The following BMAL1 variants were observed in gnomAD, a reference collection of about 807,000 sequenced individuals.
The protein encoded by BMAL1 is basic helix-loop-helix ARNT like 1, also known as basic helix-loop-helix ARNT-like protein 1.
At chr11:13,366,750 C>T in the BMAL1 span, 2 of 1,614,054 alleles carry the variant, frequency 1.2e-6, no homozygotes, top group South Asian at 1.1e-5. Context: ...TCCTCTGACA[C>T]CGCACCCCGG....
At chr11:13,299,483 G>C in the BMAL1 span, among the ~76,000 whole-genome samples, 1 of 152,260 alleles carries the variant, frequency 6.6e-6, no homozygotes, top group Admixed American at 6.5e-5. Context: ...TGGTTAGGTA[G>C]GTGCCTTGGG....
the BMAL1 span, among the ~76,000 whole-genome samples, chr11:13,333,843 A>G: frequency 8.5e-5 from 13 of 152,346 alleles, no homozygotes; most frequent in African/African-American, 3.1e-4. Flanking sequence ...GTCGGTAGGC[A>G]TGGCACAATT....
chr11:13,382,498 C>T, the BMAL1 span, among the ~76,000 whole-genome samples: 2 of 152,210 alleles, frequency 1.3e-5, no homozygotes, highest in African/African-American at 2.4e-5. Context: ...CTTGGTGTCC[C>T]GTGACCCCCG....
At chr11:13,312,894 G>A in the BMAL1 span, among the ~76,000 whole-genome samples, 29 of 152,176 alleles carry the variant, frequency 1.9e-4, no homozygotes, top group Admixed American at 6.5e-5. Context: ...CTCTGCTGTC[G>A]TGAAGCAGAC....
At chr11:13,281,045 G>C in the BMAL1 span, among the ~76,000 whole-genome samples, 10 of 152,212 alleles carry the variant, frequency 6.6e-5, no homozygotes, top group African/African-American at 2.4e-4. Context: ...GCCTCGTGGA[G>C]TCTGTGTGAG....
At chr11:13,354,692 A>C in the BMAL1 span, 2 of 477,308 alleles carry the variant, frequency 4.2e-6, no homozygotes, top group African/African-American at 3.9e-5. Context: ...CTACACCCAG[A>C]GAAAAAGAAC....
At chr11:13,364,813 G>A in the BMAL1 span, among the ~76,000 whole-genome samples, 1 of 149,352 alleles carries the variant, frequency 6.7e-6, no homozygotes, top group Non-Finnish European at 1.5e-5. Context: ...AAGAATCTAA[G>A]CGGGGAGTTT....
chr11:13,355,236 G>A, the BMAL1 span: 38 of 1,613,422 alleles, frequency 2.4e-5, no homozygotes, highest in Non-Finnish European at 3.1e-5. Context: ...TTCACAGGTC[G>A]AATTTGGGGA....
the BMAL1 span, chr11:13,386,805 G>T: frequency 6.3e-7 from 1 of 1,589,950 alleles, no homozygotes; most frequent in Non-Finnish European, 8.6e-7. Context: ...GTGCATTACT[G>T]GTGGAGTTTT....
chr11:13,353,357 C>T, the BMAL1 span: 1 of 153,900 alleles, frequency 6.5e-6, no homozygotes, highest in African/African-American at 2.4e-5. Context: ...AAAGGATGAC[C>T]ATCCCCGATA....
the BMAL1 span, among the ~76,000 whole-genome samples, chr11:13,374,529 T>C: frequency 6.6e-6 from 1 of 152,336 alleles, no homozygotes; most frequent in African/African-American, 2.4e-5. Flanking sequence ...CTGTGTTTTC[T>C]GTCTTGACTA....
chr11:13,385,509 C>T, the BMAL1 span, among the ~76,000 whole-genome samples: 62 of 152,190 alleles, frequency 4.1e-4, no homozygotes, highest in Middle Eastern at 3.4e-3. Flanking sequence ...AAGAATAGTT[C>T]GGGGGAGAGG....
At chr11:13,306,035 T>C in the BMAL1 span, among the ~76,000 whole-genome samples, 1 of 152,096 alleles carries the variant, frequency 6.6e-6, no homozygotes, top group Non-Finnish European at 1.5e-5. Flanking sequence ...CAGACTGCCA[T>C]TTGGAGTCTT....
chr11:13,369,597 A>G, the BMAL1 span: 3 of 1,613,504 alleles, frequency 1.9e-6, no homozygotes, highest in Non-Finnish European at 1.7e-6. Context: ...AGTTTATCAC[A>G]TTTTGTGTAT....
At chr11:13,337,534 A>G in the BMAL1 span, among the ~76,000 whole-genome samples, 1 of 152,248 alleles carries the variant, frequency 6.6e-6, no homozygotes, top group Non-Finnish European at 1.5e-5. Context: ...TTACTTTGTC[A>G]AAAGATATAT....
the BMAL1 span, among the ~76,000 whole-genome samples, chr11:13,366,087 C>T: frequency 6.6e-6 from 1 of 152,286 alleles, no homozygotes; most frequent in East Asian, 1.9e-4. Flanking sequence ...CCTATTATGT[C>T]CCCCAGAGTT....
At chr11:13,369,506 A>T in the BMAL1 span, 1 of 1,255,042 alleles carries the variant, frequency 8.0e-7, no homozygotes, top group Non-Finnish European at 1.1e-6. Context: ...ATCTCATGTC[A>T]TCATTATAAA....
the BMAL1 span, among the ~76,000 whole-genome samples, chr11:13,289,570 C>A: frequency 6.6e-6 from 1 of 152,144 alleles, no homozygotes; most frequent in East Asian, 1.9e-4. Context: ...GTGTGATGTT[C>A]CCCGCCCCGT....
the BMAL1 span, among the ~76,000 whole-genome samples, chr11:13,297,215 C>G: frequency 6.6e-6 from 1 of 152,196 alleles, no homozygotes; most frequent in Non-Finnish European, 1.5e-5. Flanking sequence ...CTGCTGCTCC[C>G]CTCAGCATGG....
Sources: allele counts gnomAD v4.1 joint callset (sites outside exome capture counted in the v4.1 genomes callset), GRCh38; gene constraint gnomAD v4.1.1; transcripts MANE v1.5; gene names NCBI Gene and HGNC (gene_info 2026-07-23, HGNC 2026-07-21).